The following CSMD1 variants were observed in gnomAD, a reference collection of about 807,000 sequenced individuals.
CSMD1 encodes the protein CUB and sushi domain-containing protein 1.
Under a neutral mutation model 417.5 loss-of-function variants are expected in CSMD1, and 213 were observed. That is an observed-to-expected ratio of 0.51 (90% confidence interval 0.46 to 0.57). The LOEUF (loss-of-function observed/expected upper bound fraction) is 0.57. Ranked by LOEUF, CSMD1 falls within the 20% of genes least tolerant of loss-of-function variation. The probability of loss-of-function intolerance (pLI) is 0.00; values close to 1 mark genes in which losing one functional copy is unlikely to be tolerated. For missense variants in CSMD1, 6,923 were observed against 4,529.7 expected (o/e 1.53, Z -15.17); for synonymous variants, 2,862 against 1,736.8 (o/e 1.65, Z -16.11).
intron 45 of CSMD1, 95 bp from the exon 46 acceptor site, chr8:3,106,736 C>G (rs1269446430): frequency 1.7e-6 from 1 of 580,068 alleles, no homozygotes; most frequent in Non-Finnish European, 3.1e-6. Context: ...TGAATTAAAT[C>G]AACTTGCAAA....
At chr8:4,623,754 T>G (rs1801921553) in intron 2 of CSMD1, among the ~76,000 whole-genome samples, 1 of 152,012 alleles carries the variant, frequency 6.6e-6, no homozygotes, top group African/African-American at 2.4e-5. Context: ...TATATATATT[T>G]CATATAATTT....
rs377737423 is a variant in CSMD1 at position 4,633,109 on chromosome 8, G to A, written c.302+4233C>T. 4.6e-5 allele frequency among the ~76,000 whole-genome samples: 7 copies of A among 152,284 alleles called. No individual in the cohort carries two copies. In the South Asian group the frequency reaches 6.2e-4, roughly 14 times the overall value. ...CAGTGTTCCCGAGAGGGGAGCCTGG[G>A]GCAGGAAAGGATCGTGCATTGGTCT... On this transcript the variant is annotated intron_variant, in intron 2 of 69. Transcript: ENST00000635120.
chr8:4,082,267 C>T (rs1337350898), intron 3 of CSMD1, among the ~76,000 whole-genome samples: 1 of 152,104 alleles, frequency 6.6e-6, no homozygotes, highest in Non-Finnish European at 1.5e-5. Flanking sequence ...CCTATTAAAA[C>T]TAACACAAGG....
At chr8:4,229,408 A>G (rs1585060465) in intron 3 of CSMD1, among the ~76,000 whole-genome samples, 2 of 152,228 alleles carry the variant, frequency 1.3e-5, no homozygotes, top group South Asian at 4.1e-4. Flanking sequence ...AAGCTAGATC[A>G]TACCTACCAC....
chr8:3,706,035 G>A (rs1801146809), intron 7 of CSMD1, among the ~76,000 whole-genome samples: 1 of 152,222 alleles, frequency 6.6e-6, no homozygotes, highest in African/African-American at 2.4e-5. Flanking sequence ...GAGGAAACGG[G>A]GCTCATGGTG....
chr8:4,163,589 T>A (rs1584938885), intron 3 of CSMD1, among the ~76,000 whole-genome samples: 1 of 152,334 alleles, frequency 6.6e-6, no homozygotes, highest in East Asian at 1.9e-4. Context: ...TAAAACTTCC[T>A]GTTTTAAAGT....
chr8:4,144,501 C>G (rs1803990156), intron 3 of CSMD1, among the ~76,000 whole-genome samples: 1 of 151,110 alleles, frequency 6.6e-6, no homozygotes, highest in African/African-American at 2.5e-5. Flanking sequence ...TTGAGGGCTC[C>G]AGTCTAAATG....
At position 4,783,318 on chromosome 8, in the gene CSMD1, G is replaced by C. The variant is rs956098311; in HGVS notation, c.86-145760C>G. 2.0e-5 allele frequency among the ~76,000 whole-genome samples: 3 copies of C among 152,124 alleles called. 1 individual carries two copies. Among genetic ancestry groups the C allele is most frequent in the Non-Finnish European group, 2.9e-5 (2 of 68,024 alleles). Reference sequence around the variant, plus strand: ...ACAAGGTAAAACTGTCCTCCAGCCAGAGTGCCCCAAGACCCGCAGCGCCAC... The same window carrying C: ...ACAAGGTAAAACTGTCCTCCAGCCACAGTGCCCCAAGACCCGCAGCGCCAC... On this transcript the variant is annotated intron_variant, in intron 1 of 69. Transcript: ENST00000635120.
At chr8:3,908,668 C>G (rs575384684) in intron 5 of CSMD1, among the ~76,000 whole-genome samples, 6 of 152,250 alleles carry the variant, frequency 3.9e-5, no homozygotes, top group Admixed American at 1.3e-4. Context: ...AGGGCCTACT[C>G]CAATAACATG....
chr8:4,575,908 T>C (rs1029200276), intron 2 of CSMD1, among the ~76,000 whole-genome samples: 3 of 152,196 alleles, frequency 2.0e-5, no homozygotes, highest in African/African-American at 7.2e-5. Flanking sequence ...GCTGTTGTGA[T>C]CGTTCCAGTG....
intron 3 of CSMD1, among the ~76,000 whole-genome samples, chr8:4,111,536 T>C (rs1052402718): frequency 3.3e-5 from 5 of 152,270 alleles, no homozygotes; most frequent in Admixed American, 1.3e-4. Flanking sequence ...CCATCACTGA[T>C]AGACTGGATA....
At chr8:4,682,354 T>G (rs1806105854) in intron 1 of CSMD1, among the ~76,000 whole-genome samples, 1 of 152,172 alleles carries the variant, frequency 6.6e-6, no homozygotes, top group South Asian at 2.1e-4. Flanking sequence ...TTTTGATTAG[T>G]CAGAATGCTG....
intron 1 of CSMD1, chr8:4,788,540 A>C (rs909404555): frequency 9.6e-5 from 136 of 1,412,746 alleles, no homozygotes; most frequent in Non-Finnish European, 1.2e-4. Context: ...GAACACATGT[A>C]TTTCCTTGAA....
rs114311918 is a variant in CSMD1 at position 3,360,236 on chromosome 8, G to A, written c.3116-896C>T. 7.5e-3 allele frequency among the ~76,000 whole-genome samples: 1,147 copies of A among 152,290 alleles called. 15 individuals are homozygous for A. Among genetic ancestry groups the A allele is most frequent in the African/African-American group, 0.026 (1,081 of 41,554 alleles). On this transcript the variant is annotated intron_variant, in intron 20 of 69. Coordinates refer to ENST00000635120, the MANE Select transcript of CSMD1 (RefSeq NM_033225.6). ...ACTATAAACCATTCAAGAAGGAAGT[G>A]CTAAATATAAATTAAAAAATAAATG...
intron 7 of CSMD1, among the ~76,000 whole-genome samples, chr8:3,704,224 A>G (rs777535083): frequency 2.6e-5 from 4 of 152,156 alleles, no homozygotes; most frequent in Admixed American, 6.5e-5. Flanking sequence ...ACAGGCAAAA[A>G]TAGAGCAGCC....
intron 1 of CSMD1, among the ~76,000 whole-genome samples, chr8:4,990,011 C>T (rs764026992): frequency 5.9e-5 from 9 of 152,136 alleles, no homozygotes; most frequent in Admixed American, 1.3e-4. Flanking sequence ...GCATGATTGG[C>T]CAGCTGAAAG....
rs148979979 is a variant in CSMD1 at position 4,935,722 on chromosome 8, G to A, written c.85+58610C>T. On this transcript the variant is annotated intron_variant, in intron 1 of 69. Coordinates refer to ENST00000635120, the MANE Select transcript of CSMD1 (RefSeq NM_033225.6). ...GTTAGGATTGAGGAATGGCGTGCAGGCATTTTGATAGAAGAAAATAAAATC... is the reference window on the plus strand; with the variant it reads ...GTTAGGATTGAGGAATGGCGTGCAGACATTTTGATAGAAGAAAATAAAATC... Among the ~76,000 whole-genome samples the A allele has an allele frequency of 1.3e-3, 202 of 152,238 alleles. 2 individuals are homozygous for A. The highest frequency in any genetic ancestry group is 4.7e-4 in the Non-Finnish European group (32 of 68,014).
intron 12 of CSMD1, among the ~76,000 whole-genome samples, chr8:3,427,748 CTAA>C (rs1813947686): frequency 6.6e-6 from 1 of 152,042 alleles, no homozygotes; most frequent in African/African-American, 2.4e-5. Context: ...TTTAATCAGG[CTAA>C]TAATAACCTA....
rs188888371 is a variant in CSMD1, at chr8:4,335,738, G to T, written c.415+84215C>A. On this transcript the variant is annotated intron_variant, in intron 3 of 69. Coordinates refer to ENST00000635120, the MANE Select transcript of CSMD1 (RefSeq NM_033225.6). ...ATAACAAATAGTGTACCTTAATAGG[G>T]CTCACGGCAACAAGATAGAGTCATC... Among the ~76,000 whole-genome samples, 7 of 152,098 alleles carry T rather than the reference G, an allele frequency of 4.6e-5. No homozygotes were observed. In the East Asian group the frequency reaches 1.2e-3, roughly 25 times the overall value.
Sources: allele counts gnomAD v4.1 joint callset (sites outside exome capture counted in the v4.1 genomes callset), GRCh38; gene constraint gnomAD v4.1.1; transcripts MANE v1.5; gene names NCBI Gene and HGNC (gene_info 2026-07-23, HGNC 2026-07-21).